Variants in ABCD3 observed in about 807,000 individuals in gnomAD.
ABCD3 encodes ATP binding cassette subfamily D member 3, also known as ATP-binding cassette sub-family D member 3.
In ABCD3, 41 loss-of-function variants were observed where a neutral mutation model predicts 105.5. The ratio of observed to expected loss-of-function variants is 0.39; its 90% CI spans 0.30 to 0.50. The LOEUF is 0.50. Among genes scored for constraint, ABCD3 ranks in the 20% least tolerant of loss-of-function variants. The pLI is 0.84. For missense variants in ABCD3, 622 were observed against 806.3 expected (o/e 0.77, Z 2.77); for synonymous variants, 258 against 269.0 (o/e 0.96, Z 0.40).
At chr1:94,451,982 C>G (rs1283145563) in intron 1 of ABCD3, among the ~76,000 whole-genome samples, 1 of 152,168 alleles carries the variant, frequency 6.6e-6, no homozygotes, top group Non-Finnish European at 1.5e-5. Context: ...TTTCATGCTT[C>G]TTTCTTCCAC....
At chr1:94,408,820 A>G in the ABCD3 span, among the ~76,000 whole-genome samples, 3 of 152,180 alleles carry the variant, frequency 2.0e-5, no homozygotes, top group Non-Finnish European at 4.4e-5. Flanking sequence ...TGTATTATAA[A>G]AAGAGTTTTC....
chr1:94,413,693 G>C (rs928273687), upstream of ABCD3, among the ~76,000 whole-genome samples: 11 of 152,172 alleles, frequency 7.2e-5, no homozygotes, highest in African/African-American at 2.4e-4. Context: ...ATTGGTAAGA[G>C]GGGCTTTTCA....
At chr1:94,432,877 C>T (rs896506753) in intron 1 of ABCD3, among the ~76,000 whole-genome samples, 7 of 145,594 alleles carry the variant, frequency 4.8e-5, no homozygotes, top group African/African-American at 1.0e-4. Flanking sequence ...TTTTTTGAGA[C>T]GGAGTCTCAC....
chr1:94,386,351 A>G, the ABCD3 span, among the ~76,000 whole-genome samples: 7 of 152,252 alleles, frequency 4.6e-5, no homozygotes, highest in African/African-American at 1.7e-4. Flanking sequence ...CAATACGCGT[A>G]GAGTTTCAAA....
intron 6 of ABCD3, 133 bp from the exon 7 acceptor site, chr1:94,475,481 A>G (rs1440044833): frequency 2.1e-6 from 2 of 938,024 alleles, no homozygotes; most frequent in African/African-American, 3.3e-5. Flanking sequence ...TAGGGCAATC[A>G]ATAGGATCTC....
At chr1:94,508,877 A>G (rs1354871041) in intron 21 of ABCD3, among the ~76,000 whole-genome samples, 1 of 152,114 alleles carries the variant, frequency 6.6e-6, no homozygotes, top group African/African-American at 2.4e-5. Flanking sequence ...AGCTTAAGGA[A>G]ATTTTGGGCT....
chr1:94,451,842 G>A (rs958192493), intron 1 of ABCD3, among the ~76,000 whole-genome samples: 4 of 152,164 alleles, frequency 2.6e-5, no homozygotes, highest in Admixed American at 2.6e-4. Flanking sequence ...TGCCATTTGA[G>A]ATATCAGTTT....
chr1:94,512,024 G>A (rs947026744), intron 21 of ABCD3, among the ~76,000 whole-genome samples: 13 of 152,100 alleles, frequency 8.5e-5, no homozygotes, highest in South Asian at 2.1e-4. Flanking sequence ...GCTTTGTTCC[G>A]TTGCTGGTGA....
chr1:94,511,267 A>G (rs1650656441), intron 21 of ABCD3, among the ~76,000 whole-genome samples: 1 of 152,030 alleles, frequency 6.6e-6, no homozygotes, highest in Non-Finnish European at 1.5e-5. Context: ...GTTTGGCTGG[A>G]TATGAAATTC....
chr1:94,460,561 C>T (rs1413417526), intron 2 of ABCD3, among the ~76,000 whole-genome samples: 1 of 152,102 alleles, frequency 6.6e-6, no homozygotes, highest in Non-Finnish European at 1.5e-5. Flanking sequence ...CCTCATGGAG[C>T]TTACATTCTG....
chr1:94,387,257 A>G, the ABCD3 span, among the ~76,000 whole-genome samples: 1 of 152,182 alleles, frequency 6.6e-6, no homozygotes, highest in Non-Finnish European at 1.5e-5. Context: ...TAACAACAGG[A>G]CTTGAGTAGT....
At chr1:94,434,753 T>C (rs1357220653) in intron 1 of ABCD3, among the ~76,000 whole-genome samples, 1 of 152,206 alleles carries the variant, frequency 6.6e-6, no homozygotes, top group Non-Finnish European at 1.5e-5. Context: ...CAATGACATC[T>C]TTTACAAAAC....
At chr1:94,470,531 T>C (rs1648402582) in intron 4 of ABCD3, among the ~76,000 whole-genome samples, 2 of 152,188 alleles carry the variant, frequency 1.3e-5, no homozygotes, top group African/African-American at 4.8e-5. Flanking sequence ...TGATGTTGTA[T>C]TACTGGATGT....
chr1:94,397,212 A>G, the ABCD3 span, among the ~76,000 whole-genome samples: 15 of 152,332 alleles, frequency 9.8e-5, no homozygotes, highest in African/African-American at 3.4e-4. Flanking sequence ...TAATGTTACC[A>G]TTGTATCTAA....
rs1649108079 is a variant in ABCD3 at position 94,483,174 on chromosome 1, GAA to G, written c.834_835del (p.Glu278AspfsTer8). ...VNSRLITNSE[E>X]IAFYNGNKRE... is the part of the protein sequence containing the mutation. The stretch of plus-strand genomic sequence containing the variant: ...CTAAATTATTTTCTTTAATAGTGAA[GAA>G]ATTGCCTTTTACAATGGGAATAAAA... On this transcript the variant is annotated frameshift_variant, in exon 10 of 23. Coordinates refer to ENST00000370214, the MANE Select transcript of ABCD3 (RefSeq NM_002858.4). LOFTEE classifies it high-confidence loss of function. 6.2e-7 allele frequency: 1 copy of G among 1,605,128 alleles called. No individual in the cohort carries two copies. The highest frequency in any genetic ancestry group is 8.5e-7 in the Non-Finnish European group (1 of 1,172,280).
At chr1:94,397,243 C>T in the ABCD3 span, among the ~76,000 whole-genome samples, 2 of 152,228 alleles carry the variant, frequency 1.3e-5, no homozygotes, top group East Asian at 1.9e-4. Flanking sequence ...TTTATCAAAC[C>T]CAAGAAATCA....
intron 1 of ABCD3, among the ~76,000 whole-genome samples, chr1:94,430,920 C>CTTT (rs1161948155): frequency 1.3e-5 from 2 of 152,084 alleles, no homozygotes; most frequent in Non-Finnish European, 2.9e-5. Context: ...AGGGAGAAAA[C>CTTT]ACCTTTTCTA....
chr1:94,503,378 C>T (rs544046258), intron 20 of ABCD3, among the ~76,000 whole-genome samples: 1 of 152,242 alleles, frequency 6.6e-6, no homozygotes, highest in African/African-American at 2.4e-5. Context: ...TCTGTCCTGA[C>T]CTCCCTACTT....
At chr1:94,464,375 A>G (rs568581190) in intron 2 of ABCD3, among the ~76,000 whole-genome samples, 2 of 152,184 alleles carry the variant, frequency 1.3e-5, no homozygotes, top group African/African-American at 4.8e-5. Flanking sequence ...TACAAAACTC[A>G]GTAAACCCTT....
Sources: allele counts gnomAD v4.1 joint callset (sites outside exome capture counted in the v4.1 genomes callset), GRCh38; gene constraint gnomAD v4.1.1; transcripts MANE v1.5; gene names NCBI Gene and HGNC (gene_info 2026-07-23, HGNC 2026-07-21).